The following DNPEP variants were observed in gnomAD, a reference collection of about 807,000 sequenced individuals.
DNPEP encodes aspartyl aminopeptidase.
Under a neutral mutation model 59.1 loss-of-function variants are expected in DNPEP, and 46 were observed. That is an observed-to-expected ratio of 0.78 (90% CI 0.61 to 0.99). The LOEUF is 0.99. Among genes scored for constraint, DNPEP ranks in the 50% least tolerant of loss-of-function variants. The pLI is 0.00. For synonymous variants in DNPEP, 229 were observed against 242.2 expected (o/e 0.95, Z 0.50); for missense variants, 617 against 649.9 (o/e 0.95, Z 0.55).
intron 13 of DNPEP, among the ~76,000 whole-genome samples, chr2:219,377,940 T>TA (rs199611865): frequency 0.014 from 1,919 of 134,592 alleles, 39 homozygotes; most frequent in African/African-American, 0.043. Context: ...AAAAAAACAT[T>TA]AAAAAAAAAA....
chr2:219,399,680 G>A (rs888771833), intron 1 of DNPEP, among the ~76,000 whole-genome samples: 8 of 152,218 alleles, frequency 5.3e-5, no homozygotes, highest in African/African-American at 1.4e-4. Context: ...CCAAGATGAT[G>A]ATGAGTATTA....
chr2:219,397,516 G>A (rs1954118783), intron 1 of DNPEP, among the ~76,000 whole-genome samples: 1 of 152,126 alleles, frequency 6.6e-6, no homozygotes, highest in African/African-American at 2.4e-5. Context: ...GATCAAGAAT[G>A]TGGGTGGAAT....
Position 219,374,261 on chromosome 2 carries a change from A to C in DNPEP, c.*31T>G, listed in dbSNP as rs367736953. ...TGAGAACTTCCCCTCTCAGGTGCAA[A>C]GGGATGGCAGAGAAGTCTTTCCAAG... is the stretch of plus-strand genomic sequence containing the variant. On this transcript the variant is annotated 3_prime_UTR_variant, in exon 15 of 15. Coordinates refer to ENST00000273075, the MANE Select transcript of DNPEP (RefSeq NM_012100.4). The C allele has an allele frequency of 6.2e-5, 100 of 1,603,348 alleles. No individual in the cohort carries two copies. Among genetic ancestry groups the C allele is most frequent in the Admixed American group, 1.2e-4 (7 of 59,880 alleles).
intron 1 of DNPEP, among the ~76,000 whole-genome samples, chr2:219,394,828 C>T (rs1217176300): frequency 6.6e-6 from 1 of 152,166 alleles, no homozygotes; most frequent in East Asian, 1.9e-4. Flanking sequence ...ATCTGAACTC[C>T]TTGTTCCCCA....
intron 13 of DNPEP, among the ~76,000 whole-genome samples, chr2:219,380,842 T>TACACACACACACACACACACAC (rs58867229): frequency 0.062 from 8,962 of 145,652 alleles, 364 homozygotes; most frequent in Admixed American, 0.096. Context: ...CATATATATG[T>TACACACACACACACACACACAC]ACACACACAC....
At chr2:219,395,293 G>C (rs1206593166) in intron 1 of DNPEP, among the ~76,000 whole-genome samples, 1 of 152,144 alleles carries the variant, frequency 6.6e-6, no homozygotes, top group Non-Finnish European at 1.5e-5. Flanking sequence ...ATGGTCCAGT[G>C]GTGGCGAGCT....
At chr2:219,389,290 T>G (rs1953972584), upstream of DNPEP, among the ~76,000 whole-genome samples, 1 of 152,022 alleles carries the variant, frequency 6.6e-6, no homozygotes, top group African/African-American at 2.4e-5. Flanking sequence ...TCAGGACTCT[T>G]GGTGGCCTCT....
In DNPEP at chr2:219,386,019, T is replaced by C; in HGVS notation, c.539A>G (p.His180Arg). ...GTTCTCGTTGATATTTCGCTGCAGA[T>C]GGATGGCCAGGTGTGGGATGCGAAG... ...PILRIPHLAIHLQRNINENFG... is the reference protein window; with the variant it reads ...PILRIPHLAIRLQRNINENFG... The change falls in exon 6 of 15, where the codon CAT (histidine) becomes CGT (arginine). Residue 180 changes from histidine to arginine, a missense_variant. Transcript: ENST00000273075. The C allele has an allele frequency of 6.2e-7, 1 of 1,614,164 alleles. No homozygotes were observed. Among genetic ancestry groups the C allele is most frequent in the Non-Finnish European group, 8.5e-7 (1 of 1,180,018 alleles).
rs370933655 is a variant in DNPEP, at chr2:219,385,716, G to A, written c.591-10C>T. On this transcript the variant is annotated splice_polypyrimidine_tract_variant and intron_variant, in intron 6 of 14. Transcript: ENST00000273075. ...GGCAAGAATGGGGACTCTGTGGGGAGACGTGGGTTGTGGGGGGATTGCGAG... is the reference window on the plus strand; with the variant it reads ...GGCAAGAATGGGGACTCTGTGGGGAAACGTGGGTTGTGGGGGGATTGCGAG... The A allele has an allele frequency of 1.9e-6, 3 of 1,595,432 alleles. No individual in the cohort carries two copies. Among genetic ancestry groups the A allele is most frequent in the Non-Finnish European group, 1.7e-6 (2 of 1,170,268 alleles).
upstream of DNPEP, among the ~76,000 whole-genome samples, chr2:219,389,868 A>G (rs578194017): frequency 2.3e-4 from 35 of 151,512 alleles, no homozygotes; most frequent in African/African-American, 8.0e-4. Context: ...ATAAAGCTCA[A>G]TGCTGAGCAG....
chr2:219,374,995 A>G lies in DNPEP; in HGVS notation c.1267T>C (p.Cys423Arg). 6.2e-7 allele frequency: 1 copy of G among 1,614,096 alleles called. No individual in the cohort carries two copies. Among genetic ancestry groups the G allele is most frequent in the East Asian group, 2.2e-5 (1 of 44,886 alleles). The change falls in exon 14 of 15, where the codon TGT (cysteine) becomes CGT (arginine). Residue 423 changes from cysteine to arginine, a missense_variant. Cys to Arg is a radical substitution (Grantham distance 180). Coordinates refer to ENST00000273075, the MANE Select transcript of DNPEP (RefSeq NM_012100.4). ...AAGATAGGTCCAATGGTGGTTCCAC[A>G]GGGGGTGTCATTCCGGACCATGAGA... ...QDLMVRNDTP[C>R]GTTIGPILAS...
upstream of DNPEP, among the ~76,000 whole-genome samples, chr2:219,392,345 CTT>C (rs1321818734): frequency 3.2e-4 from 45 of 142,508 alleles, no homozygotes; most frequent in Admixed American, 4.2e-4. Flanking sequence ...ATACATATGT[CTT>C]TTTTTTTTTT....
At chr2:219,387,537 G>A (rs1953901712) in intron 1 of DNPEP, 2 of 1,443,348 alleles carry the variant, frequency 1.4e-6, no homozygotes, top group African/African-American at 1.5e-5. Flanking sequence ...CCAAAGCCCT[G>A]TACCCCAAGG....
rs767334974 is a variant in DNPEP, at chr2:219,374,166, A to G, written c.*126T>C. 2 of 962,244 alleles carry G rather than the reference A, an allele frequency of 2.1e-6. No homozygotes were observed. The highest frequency in any genetic ancestry group is 3.2e-6 in the Non-Finnish European group (2 of 621,284). The allele number at this position is 962,244 out of a possible 1,614,324, so 59.6% of individuals were successfully genotyped here. On this transcript the variant is annotated 3_prime_UTR_variant, in exon 15 of 15. Transcript: ENST00000273075. Reference sequence around the variant, plus strand: ...AGCCAGGCTCAACTCCCACTCCTCTAGTCTCCAAATAAGCGTAGCACGGAG... The same window carrying G: ...AGCCAGGCTCAACTCCCACTCCTCTGGTCTCCAAATAAGCGTAGCACGGAG...
chr2:219,385,953 C>T lies in DNPEP; in HGVS notation c.590+15G>A, dbSNP rs1455506381. On this transcript the variant is annotated intron_variant, in intron 6 of 14. Transcript: ENST00000273075. ...TCCATCCCTCCCAGCCACCGCAGCC[C>T]TGCCCCAGTCTCACAGATGCATCTC... 1.2e-6 allele frequency: 2 copies of T among 1,613,890 alleles called. No individual in the cohort carries two copies. The highest frequency in any genetic ancestry group is 1.7e-6 in the Non-Finnish European group (2 of 1,179,814).
Position 219,387,132 on chromosome 2 carries a change from G to A in DNPEP, c.68C>T (p.Ala23Val), listed in dbSNP as rs1953879446. 3 of 1,567,576 alleles carry A rather than the reference G, an allele frequency of 1.9e-6. No homozygotes were observed. Among genetic ancestry groups the A allele is most frequent in the Admixed American group, 3.8e-5 (2 of 52,788 alleles). ...GAGTTCCTTAGCCGCAGTCTGCACCGCCTCTTTGCGGGCCTTACCGTTCAT... is the reference window on the plus strand; with the variant it reads ...GAGTTCCTTAGCCGCAGTCTGCACCACCTCTTTGCGGGCCTTACCGTTCAT... ...VAMNGKARKE[A>V]VQTAAKELLK... The change falls in exon 2 of 15, where the codon GCG becomes GTG. Residue 23 changes from alanine to valine, a missense_variant. Transcript: ENST00000273075.
At chr2:219,399,109 G>A (rs1006833038) in intron 1 of DNPEP, among the ~76,000 whole-genome samples, 1 of 152,184 alleles carries the variant, frequency 6.6e-6, no homozygotes, top group Admixed American at 6.5e-5. Flanking sequence ...CCAGGGACTG[G>A]GTGATTCTGT....
chr2:219,399,946 CCAAGG>C, exon 1 of DNPEP: 2 of 1,548,892 alleles, frequency 1.3e-6, no homozygotes, highest in Non-Finnish European at 1.7e-6. Flanking sequence ...TCACCTCCTC[CCAAGG>C]CTGGAGTGGA....
intron 1 of DNPEP, 160 bp downstream of exon 1, chr2:219,387,599 T>A: frequency 6.5e-7 from 1 of 1,532,032 alleles, no homozygotes; most frequent in Admixed American, 2.0e-5. Flanking sequence ...GGACTCCCCC[T>A]TCCAGTCCCG....
Sources: gnomAD v4.1 joint callset for allele counts (sites outside exome capture counted in the v4.1 genomes callset) on GRCh38, gnomAD v4.1.1 for gene constraint, MANE v1.5 for transcripts, NCBI Gene and HGNC (gene_info 2026-07-23, HGNC 2026-07-21) for gene names.